The following CPM variants were observed in gnomAD, a reference collection of about 807,000 sequenced individuals.
CPM encodes the protein renal carboxypeptidase.
A neutral mutation model predicts 46.4 loss-of-function variants in CPM; 35 were observed. The observed-to-expected ratio is 0.75, with a 90% CI of 0.58 to 1.00. CPM has a LOEUF of 1.00. Among genes scored for constraint, CPM ranks in the 50% least tolerant of loss-of-function variants. CPM has a pLI of 0.00. For synonymous variants in CPM, 195 were observed against 195.3 expected, an observed-to-expected ratio of 1.00 and a Z score of 0.01; for missense variants, 422 against 530.4, an observed-to-expected ratio of 0.80 and a Z score of 2.01.
At chr12:68,883,815 T>C (rs1215420991) in intron 3 of CPM, among the ~76,000 whole-genome samples, 2 of 151,200 alleles carry the variant, frequency 1.3e-5, no homozygotes, top group Admixed American at 6.6e-5. Flanking sequence ...GCATTCTGAG[T>C]CAGGCGCGGT....
chr12:68,884,424 G>C (rs1272816946), intron 3 of CPM, among the ~76,000 whole-genome samples: 1 of 152,184 alleles, frequency 6.6e-6, no homozygotes, highest in Non-Finnish European at 1.5e-5. Context: ...CAGCAGGACA[G>C]GTTGGGCAGC....
At chr12:68,895,715 C>T (rs1300611358) in intron 2 of CPM, among the ~76,000 whole-genome samples, 2 of 152,166 alleles carry the variant, frequency 1.3e-5, no homozygotes, top group African/African-American at 4.8e-5. Flanking sequence ...CACAGTGGCT[C>T]ACGCCTGTAA....
chr12:68,870,893 T>C (rs992673410), intron 4 of CPM, among the ~76,000 whole-genome samples: 2 of 152,184 alleles, frequency 1.3e-5, no homozygotes, highest in African/African-American at 4.8e-5. Flanking sequence ...TTTGGGGTGG[T>C]TCGTTAAGTA....
rs534359975 is a variant in CPM at position 68,962,049 on chromosome 12, A to C, written c.-4+1120T>G. ...CCCTGTCTCCACTGAAAATACAAAAAATTAGCCGGGCACGGTGGTGGGCGC... is the reference window on the plus strand; with the variant it reads ...CCCTGTCTCCACTGAAAATACAAAACATTAGCCGGGCACGGTGGTGGGCGC... On this transcript the variant is annotated intron_variant, in intron 1 of 8. Coordinates refer to the CPM transcript ENST00000546373. Among the ~76,000 whole-genome samples the C allele has an allele frequency of 2.0e-5, 3 of 151,872 alleles. No individual in the cohort carries two copies. In the East Asian group the frequency reaches 5.8e-4, roughly 29 times the overall value.
intron 2 of CPM, among the ~76,000 whole-genome samples, chr12:68,930,619 T>C (rs953447628): frequency 6.6e-6 from 1 of 152,226 alleles, no homozygotes; most frequent in East Asian, 1.9e-4. Flanking sequence ...AACAACATAT[T>C]CAACACAAAT....
chr12:68,948,025 T>C (rs900382715), intron 1 of CPM, among the ~76,000 whole-genome samples: 10 of 152,180 alleles, frequency 6.6e-5, no homozygotes, highest in African/African-American at 2.4e-4. Context: ...ACCCAAACTT[T>C]AAGGACTTTG....
At chr12:68,919,225 T>G (rs139912243) in intron 2 of CPM, among the ~76,000 whole-genome samples, 2 of 152,212 alleles carry the variant, frequency 1.3e-5, no homozygotes, top group South Asian at 2.1e-4. Flanking sequence ...GTAACTGCTA[T>G]GTTTTAGGCA....
intron 2 of CPM, among the ~76,000 whole-genome samples, chr12:68,932,257 T>C (rs1743100470): frequency 6.6e-6 from 1 of 152,196 alleles, no homozygotes. Context: ...AACTGCATTA[T>C]TTCAGTTTAA....
intron 7 of CPM, 56 bp downstream of exon 7, chr12:68,866,840 C>A: frequency 6.7e-7 from 1 of 1,489,870 alleles, no homozygotes; most frequent in South Asian, 1.2e-5. Flanking sequence ...ACCCAGAGGT[C>A]TTGCCAGATG....
At chr12:68,844,478 G>A in intron 5 of CPM, 1 of 228,372 alleles carries the variant, frequency 4.4e-6, no homozygotes, top group East Asian at 6.2e-5. Context: ...GATCGTGAAT[G>A]GTCTATAAGG....
rs1402611204 is a variant in CPM at position 68,939,460 on chromosome 12, TTAA to T, written c.-3-6623_-3-6621del. ...ATTGCTAAATTAGATATAAATCTGA[TTAA>T]TGTCTTACAGGGTGATAAACCATAA... On this transcript the variant is annotated intron_variant, in intron 1 of 8. Transcript: ENST00000546373. Among the ~76,000 whole-genome samples the T allele has an allele frequency of 9.2e-5, 14 of 151,660 alleles. No individual in the cohort carries two copies. In the East Asian group the frequency reaches 2.1e-3, roughly 23 times the overall value.
intron 2 of CPM, among the ~76,000 whole-genome samples, chr12:68,895,482 A>G (rs1211231462): frequency 6.6e-6 from 1 of 152,216 alleles, no homozygotes; most frequent in East Asian, 1.9e-4. Flanking sequence ...GTTATAAGCC[A>G]TAGCAATTTG....
Position 68,904,315 on chromosome 12 carries a change from T to C in CPM, c.161-18426A>G, listed in dbSNP as rs142415638. On this transcript the variant is annotated intron_variant, in intron 2 of 8. Transcript: ENST00000551568. ...CAGATACCGTCTCATAATGGACTGA[T>C]GTATCCCTAGCTCATCTCAAGTCTG... 8.3e-4 allele frequency among the ~76,000 whole-genome samples: 127 copies of C among 152,340 alleles called. 3 individuals are homozygous for C. The East Asian group carries it at 0.021, about 25-fold the overall frequency.
chr12:68,842,561 C>G (rs1396164922), intron 5 of CPM: 1 of 346,070 alleles, frequency 2.9e-6, no homozygotes, highest in African/African-American at 2.1e-5. Context: ...TTGATCGCAT[C>G]TCATTGTTAA....
upstream of CPM, among the ~76,000 whole-genome samples, chr12:68,936,457 C>T (rs1888673842): frequency 6.6e-6 from 1 of 152,028 alleles, no homozygotes; most frequent in South Asian, 2.1e-4. Flanking sequence ...AATTTTAGCT[C>T]ACTGCAACCT....
chr12:68,884,824 C>A (rs1361080716), intron 3 of CPM, among the ~76,000 whole-genome samples: 10 of 152,006 alleles, frequency 6.6e-5, no homozygotes, highest in Admixed American at 6.5e-4. Context: ...AACTGCCTGG[C>A]AAGAATGGCT....
At chr12:68,876,224 G>C (rs954239176) in intron 3 of CPM, among the ~76,000 whole-genome samples, 1 of 151,960 alleles carries the variant, frequency 6.6e-6, no homozygotes, top group East Asian at 1.9e-4. Context: ...CAATTGCAAG[G>C]GTAAATAAAA....
At chr12:68,924,139 T>A (rs1482805596) in intron 2 of CPM, among the ~76,000 whole-genome samples, 1 of 141,656 alleles carries the variant, frequency 7.1e-6, no homozygotes, top group African/African-American at 2.7e-5. Context: ...GTGAGACACC[T>A]GTCTCTACTT....
At chr12:68,914,396 T>C (rs1277514736) in intron 2 of CPM, among the ~76,000 whole-genome samples, 1 of 152,204 alleles carries the variant, frequency 6.6e-6, no homozygotes, top group Non-Finnish European at 1.5e-5. Flanking sequence ...CATAAAGGTG[T>C]TCAATAATCG....
Sources: gnomAD v4.1 joint callset for allele counts (sites outside exome capture counted in the v4.1 genomes callset) on GRCh38, gnomAD v4.1.1 for gene constraint, MANE v1.5 for transcripts, NCBI Gene and HGNC (gene_info 2026-07-23, HGNC 2026-07-21) for gene names.